Variants in FARP1 observed in about 807,000 individuals in gnomAD.
FARP1 encodes the protein FERM, ARH/RhoGEF and pleckstrin domain protein 1.
In FARP1, 52 loss-of-function variants were observed where a neutral mutation model predicts 128.8. The observed-to-expected ratio is 0.40, with a 90% CI of 0.32 to 0.51. The LOEUF (loss-of-function observed/expected upper bound fraction) is 0.51. FARP1 is among the 20% of genes least tolerant of loss of function. The pLI, the probability that FARP1 is intolerant of heterozygous loss-of-function variation, is 0.45. For synonymous variants in FARP1, 580 were observed against 551.8 expected, an observed-to-expected ratio of 1.05 and a Z score of -0.72; for missense variants, 1,333 against 1,367.9, an observed-to-expected ratio of 0.97 and a Z score of 0.40.
chr13:98,172,016 C>T (rs1242156772), intron 1 of FARP1, among the ~76,000 whole-genome samples: 1 of 152,162 alleles, frequency 6.6e-6, no homozygotes, highest in African/African-American at 2.4e-5. Flanking sequence ...GGGTGTCTGC[C>T]TGCCTCCTGT....
At chr13:98,240,795 G>A (rs1594311007) in intron 2 of FARP1, among the ~76,000 whole-genome samples, 1 of 152,164 alleles carries the variant, frequency 6.6e-6, no homozygotes. Context: ...CGTTTTCATC[G>A]TGAACATCTT....
In FARP1 at chr13:98,391,192, G is replaced by A. The variant is rs576333053; in HGVS notation, c.1088+312G>A. 3.9e-5 allele frequency among the ~76,000 whole-genome samples: 6 copies of A among 152,272 alleles called. No individual in the cohort carries two copies. In the East Asian group the frequency reaches 1.2e-3, roughly 29 times the overall value. ...GAAGCATGATAAAAACTAGCTCACT[G>A]GTGAGTCCTTCAATATTTTGGGATT... On this transcript the variant is annotated intron_variant, in intron 11 of 26. Transcript: ENST00000319562.
At chr13:98,444,455 C>T (rs1892693853) in intron 24 of FARP1, among the ~76,000 whole-genome samples, 1 of 152,118 alleles carries the variant, frequency 6.6e-6, no homozygotes, top group Non-Finnish European at 1.5e-5. Flanking sequence ...GGATGTTGAC[C>T]CTCTCGTGAA....
chr13:98,377,997 A>G, intron 6 of FARP1, 79 bp downstream of exon 6: 2 of 1,077,206 alleles, frequency 1.9e-6, no homozygotes, highest in Admixed American at 1.9e-5. Flanking sequence ...AATCACATCC[A>G]CCAAAAAAGA....
chr13:98,265,761 C>G (rs1004074365), intron 2 of FARP1, among the ~76,000 whole-genome samples: 5 of 152,176 alleles, frequency 3.3e-5, no homozygotes, highest in Non-Finnish European at 7.3e-5. Flanking sequence ...TTTCTACTTG[C>G]AACAACTCAT....
intron 2 of FARP1, among the ~76,000 whole-genome samples, chr13:98,286,632 A>G (rs770668531): frequency 6.6e-6 from 1 of 152,060 alleles, no homozygotes; most frequent in Non-Finnish European, 1.5e-5. Context: ...TCTTTTGTAA[A>G]TTGTTCTGTC....
Position 98,384,608 on chromosome 13 carries a change from T to C in FARP1, c.497-122T>C, listed in dbSNP as rs1420163915. On this transcript the variant is annotated intron_variant, in intron 6 of 26. Transcript: ENST00000319562. ...TCTCTGAGATCTGGCCCTTCTGATG[T>C]TCCCCACCAACTGGGCTCACCTTAT... The C allele has an allele frequency of 1.4e-5, 9 of 643,380 alleles. No individual in the cohort carries two copies. In the South Asian group the frequency reaches 1.7e-4, roughly 12 times the overall value. The allele number at this position is 643,380 out of a possible 1,614,324, so 39.9% of individuals were successfully genotyped here. A position where few individuals can be genotyped will look rare whatever the true frequency, so the allele number is the denominator to read the frequency against.
intron 2 of FARP1, chr13:98,244,357 C>A: frequency 1.4e-6 from 1 of 701,148 alleles, no homozygotes; most frequent in Non-Finnish European, 2.3e-6. Flanking sequence ...GTGTTACCAT[C>A]ACCCAGTCAA....
chr13:98,367,724 G>T (rs1467363183), intron 4 of FARP1, among the ~76,000 whole-genome samples: 1 of 152,104 alleles, frequency 6.6e-6, no homozygotes, highest in Non-Finnish European at 1.5e-5. Context: ...ATTAGCAACT[G>T]TACCTTATAA....
At chr13:98,314,920 A>G (rs1886657173) in intron 2 of FARP1, among the ~76,000 whole-genome samples, 1 of 152,142 alleles carries the variant, frequency 6.6e-6, no homozygotes, top group Non-Finnish European at 1.5e-5. Flanking sequence ...CGGATTGAAG[A>G]TAGCAGATGG....
intron 5 of FARP1, among the ~76,000 whole-genome samples, chr13:98,369,625 T>C (rs1226563168): frequency 1.3e-5 from 2 of 152,168 alleles, no homozygotes; most frequent in Admixed American, 1.3e-4. Flanking sequence ...GTTTGGTTTT[T>C]TGTCCTTGCG....
intron 2 of FARP1, among the ~76,000 whole-genome samples, chr13:98,231,457 A>G (rs1289828041): frequency 6.6e-6 from 1 of 152,060 alleles, no homozygotes; most frequent in Admixed American, 6.5e-5. Context: ...ATTTTATTTG[A>G]GACAGAGGCT....
At chr13:98,361,971 A>C (rs1472195698) in intron 3 of FARP1, among the ~76,000 whole-genome samples, 1 of 152,146 alleles carries the variant, frequency 6.6e-6, no homozygotes, top group Non-Finnish European at 1.5e-5. Context: ...CCAGTTAAAA[A>C]CAAGTAAACG....
chr13:98,436,910 G>T (rs563349277), intron 19 of FARP1, among the ~76,000 whole-genome samples: 5 of 152,330 alleles, frequency 3.3e-5, no homozygotes, highest in Admixed American at 1.3e-4. Flanking sequence ...CACTGATAAA[G>T]AATTCCTTTT....
At chr13:98,291,901 C>G (rs1322372796) in intron 2 of FARP1, among the ~76,000 whole-genome samples, 4 of 152,214 alleles carry the variant, frequency 2.6e-5, no homozygotes, top group Admixed American at 6.5e-5. Flanking sequence ...GAGTGATTGT[C>G]TTGTGAAGCA....
intron 2 of FARP1, among the ~76,000 whole-genome samples, chr13:98,242,202 A>G (rs544861071): frequency 1.3e-5 from 2 of 152,232 alleles, no homozygotes; most frequent in Admixed American, 1.3e-4. Context: ...TTAAAGAAAC[A>G]TATTTCTATG....
At chr13:98,291,040 C>G (rs764301360) in intron 2 of FARP1, among the ~76,000 whole-genome samples, 10 of 152,108 alleles carry the variant, frequency 6.6e-5, no homozygotes, top group Non-Finnish European at 1.3e-4. Flanking sequence ...GATCCGTGAA[C>G]AACGCAGGTT....
At chr13:98,305,130 ATTTATTT>A (rs1057497719) in intron 2 of FARP1, among the ~76,000 whole-genome samples, 1 of 149,570 alleles carries the variant, frequency 6.7e-6, no homozygotes, top group Non-Finnish European at 1.5e-5. Flanking sequence ...TTTTTAATTT[ATTTATTT>A]TTTATTTTTA....
At chr13:98,201,642 G>A (rs1006499994) in intron 1 of FARP1, among the ~76,000 whole-genome samples, 33 of 152,170 alleles carry the variant, frequency 2.2e-4, no homozygotes, top group African/African-American at 7.5e-4. Context: ...AGGGATATGG[G>A]TAGAACTGGA....
Sources: gnomAD v4.1 joint callset for allele counts (sites outside exome capture counted in the v4.1 genomes callset) on GRCh38, gnomAD v4.1.1 for gene constraint, MANE v1.5 for transcripts, NCBI Gene and HGNC (gene_info 2026-07-23, HGNC 2026-07-21) for gene names.